MYCBP2: variants seen among roughly 807,000 people sequenced by gnomAD.
MYCBP2 encodes the protein MYC binding protein 2.
Under a neutral mutation model 525.3 loss-of-function variants are expected in MYCBP2, and 120 were observed. The ratio of observed to expected loss-of-function variants is 0.23; its 90% CI spans 0.20 to 0.27. The LOEUF is 0.27. MYCBP2 is among the 10% of genes least tolerant of loss of function. The pLI, the probability that MYCBP2 is intolerant of heterozygous loss-of-function variation, is 1.00. For synonymous variants in MYCBP2, 1,894 were observed against 1,955.8 expected (o/e 0.97, Z 0.83); for missense variants, 4,149 against 5,657.1 (o/e 0.73, Z 8.55).
intron 49 of MYCBP2, among the ~76,000 whole-genome samples, chr13:77,141,625 G>T (rs2054640833): frequency 6.6e-6 from 1 of 151,942 alleles, no homozygotes; most frequent in Non-Finnish European, 1.5e-5. Flanking sequence ...ACAAAAATTA[G>T]CCGGGCCTGG....
chr13:77,098,394 A>T lies in MYCBP2; in HGVS notation c.8760T>A (p.Ser2920=), dbSNP rs2046551563. Residue 2920 remains serine, a synonymous_variant, in exon 56 of 83, where the codon TCT becomes TCA. Coordinates refer to ENST00000544440, the MANE Select transcript of MYCBP2 (RefSeq NM_015057.5). ...GGAGGTTTTCCTGTACCACATGGGGAGAGGGAGCTCTATTTTCAGATCCAG... is the reference window on the plus strand; with the variant it reads ...GGAGGTTTTCCTGTACCACATGGGGTGAGGGAGCTCTATTTTCAGATCCAG... The part of the protein sequence containing the change: ...DSPGSENRAP[S]PHVVQENLHS... 1 of 1,613,368 alleles carries T rather than the reference A, an allele frequency of 6.2e-7. No homozygotes were observed. Among genetic ancestry groups the T allele is most frequent in the South Asian group, 1.1e-5 (1 of 91,070 alleles).
intron 14 of MYCBP2, among the ~76,000 whole-genome samples, chr13:77,251,567 G>C (rs544834302): frequency 6.6e-6 from 1 of 152,138 alleles, no homozygotes; most frequent in East Asian, 1.9e-4. Context: ...AGGCAAGGAA[G>C]GCTATTGTCA....
At chr13:77,211,354 A>AT in intron 22 of MYCBP2, 34 bp from the exon 23 acceptor site, 1 of 1,107,456 alleles carries the variant, frequency 9.0e-7, no homozygotes, top group Non-Finnish European at 1.2e-6. Context: ...TAATTTTAAT[A>AT]TATATTACCC....
chr13:77,107,212 A>G (rs559904074), intron 55 of MYCBP2, among the ~76,000 whole-genome samples: 18 of 152,286 alleles, frequency 1.2e-4, no homozygotes, highest in African/African-American at 4.1e-4. Context: ...ATAGGCTCCT[A>G]CAAGAAACAG....
At position 77,150,737 on chromosome 13, in the gene MYCBP2, C is replaced by A; in HGVS notation, c.7128G>T (p.Met2376Ile). Residue 2376 changes from methionine (M) to isoleucine (I), a missense_variant, in exon 47 of 83, where the codon ATG becomes ATT. Transcript: ENST00000544440. ...KEARYIAITM[M>I]KVYENYSFEE... Reference sequence around the variant, plus strand: ...TCTGATAAGTAAAATAAATTACCTTCATCATTGTTATGGCAATATATCGAG... The same window carrying A: ...TCTGATAAGTAAAATAAATTACCTTAATCATTGTTATGGCAATATATCGAG... 1 of 1,610,644 alleles carries A rather than the reference C, an allele frequency of 6.2e-7. No individual in the cohort carries two copies. Among genetic ancestry groups the A allele is most frequent in the Non-Finnish European group, 8.5e-7 (1 of 1,178,504 alleles).
chr13:77,056,950 A>T (rs758577516), intron 79 of MYCBP2, 36 bp downstream of exon 79: 1 of 1,477,574 alleles, frequency 6.8e-7, no homozygotes, highest in South Asian at 1.1e-5. Context: ...AGAACAAAAG[A>T]AAAAGAAAGT....
Position 77,326,240 on chromosome 13 carries a change from GACACACACACAC to G in MYCBP2, c.302+222_302+233del, listed in dbSNP as rs398023536. Among the ~76,000 whole-genome samples the G allele has an allele frequency of 0.012, 1,593 of 127,872 alleles. 11 individuals are homozygous for G. Among genetic ancestry groups the G allele is most frequent in the Middle Eastern group, 0.023 (6 of 256 alleles). The allele number at this position is 127,872 out of a possible 152,430, so 83.9% of individuals were successfully genotyped here. ...CACTATCCCCCCACATAGGCAGGCA[GACACACACACAC>G]ACACACACACACACACACACACACA... On this transcript the variant is annotated intron_variant, in intron 1 of 82. Coordinates refer to ENST00000544440, the MANE Select transcript of MYCBP2 (RefSeq NM_015057.5). This position sits in a 1 kb window ranked among gnomAD's most constrained non-coding sequence, Gnocchi z 4.2.
Position 77,081,894 on chromosome 13 carries a change from G to T in MYCBP2, c.11136C>A (p.Gly3712=), listed in dbSNP as rs138813052. 287 of 1,613,512 alleles carry T rather than the reference G, an allele frequency of 1.8e-4. 1 individual carries two copies. The African/African-American group carries it at 3.2e-3, about 18-fold the overall frequency. The change falls in exon 64 of 83, where the codon GGC becomes GGA. Residue 3712 remains glycine (G), a synonymous_variant. Transcript: ENST00000544440. The surrounding 1 kb of genome is among the most constrained non-coding windows in gnomAD (Gnocchi z 4.6). ...TGATGCTAAAACTCTCTTCACTATC[G>T]CCATCATCTGACTTTGACAAAATAT... ...INNILSKSDD[G]DSEESFSISI...
rs531186372 is a variant in MYCBP2 at position 77,244,413 on chromosome 13, C to T, written c.2382-462G>A. Among the ~76,000 whole-genome samples, 514 of 152,258 alleles carry T rather than the reference C, an allele frequency of 3.4e-3. 2 individuals are homozygous for T. The highest frequency in any genetic ancestry group is 4.6e-3 in the Non-Finnish European group (316 of 67,980). On this transcript the variant is annotated intron_variant, in intron 15 of 82. Transcript: ENST00000544440. ...TTGCCAGCTTCATGTAATATGTCTC[C>T]TTCCCATTCCCTATTTAATAAATGG...
chr13:77,070,243 T>C (rs767415841), intron 69 of MYCBP2, among the ~76,000 whole-genome samples: 1 of 152,232 alleles, frequency 6.6e-6, no homozygotes, highest in Non-Finnish European at 1.5e-5. Context: ...AGGCACATTC[T>C]GCAGGACCTA....
intron 1 of MYCBP2, among the ~76,000 whole-genome samples, chr13:77,306,426 G>A (rs74362800): frequency 0.05 from 7,590 of 152,234 alleles, 274 homozygotes; most frequent in Middle Eastern, 0.075. Flanking sequence ...GGGGAGAGAT[G>A]AAAACAGATT....
rs3753040 is a variant in MYCBP2, at chr13:77,095,629, C to A, written c.9955-27G>T. 7.9e-4 allele frequency: 1,256 copies of A among 1,599,486 alleles called. 23 individuals carry two copies. The East Asian group carries it at 0.022, about 28-fold the overall frequency. The stretch of plus-strand genomic sequence containing the variant: ...TGGCGAAGAAAAAAATCAAACTAAT[C>A]TTTTCTGACTTACATTAAAATCCTT... On this transcript the variant is annotated intron_variant, in intron 57 of 82. Transcript: ENST00000544440.
At chr13:77,125,235 AAC>A in intron 54 of MYCBP2, 99 bp downstream of exon 54, 5 of 1,426,882 alleles carry the variant, frequency 3.5e-6, no homozygotes, top group Non-Finnish European at 4.7e-6. Context: ...TTAAAAAGCA[AAC>A]ACACAAAAAA....
chr13:77,310,968 CAAAA>C (rs997535501), intron 1 of MYCBP2, among the ~76,000 whole-genome samples: 3 of 151,796 alleles, frequency 2.0e-5, no homozygotes, highest in Admixed American at 6.6e-5. Flanking sequence ...TTTAAAAAGA[CAAAA>C]AAAGTACTTC....
chr13:77,102,990 T>C (rs1402598096), intron 55 of MYCBP2, among the ~76,000 whole-genome samples: 8 of 152,020 alleles, frequency 5.3e-5, no homozygotes, highest in Non-Finnish European at 1.2e-4. Context: ...GTTTAACCTA[T>C]AGATGTAATA....
chr13:77,267,625 G>A (rs1358907120), intron 8 of MYCBP2, among the ~76,000 whole-genome samples: 1 of 152,070 alleles, frequency 6.6e-6, no homozygotes, highest in African/African-American at 2.4e-5. Context: ...GGCCAAGTTT[G>A]AAAACAAATA....
intron 48 of MYCBP2, 60 bp downstream of exon 48, chr13:77,146,102 T>C: frequency 9.0e-7 from 1 of 1,111,714 alleles, no homozygotes; most frequent in South Asian, 1.6e-5. Flanking sequence ...GCAGGATGAT[T>C]TTAGTTGCAA....
At chr13:77,083,298 AAAC>A in intron 62 of MYCBP2, 106 bp from the exon 63 acceptor site, 1 of 941,162 alleles carries the variant, frequency 1.1e-6, no homozygotes, top group Admixed American at 2.7e-5. Context: ...ACAGAAATAC[AAAC>A]AACAAAACCA....
In MYCBP2 at chr13:77,098,409, T is replaced by C; in HGVS notation, c.8745A>G (p.Glu2915=). 1 of 1,613,686 alleles carries C rather than the reference T, an allele frequency of 6.2e-7. No individual in the cohort carries two copies. The highest frequency in any genetic ancestry group is 1.3e-5 in the African/African-American group (1 of 75,010). The change falls in exon 56 of 83, where the codon GAA becomes GAG. Residue 2915 remains glutamate (E), a synonymous_variant. Transcript: ENST00000544440. ...CCACATGGGGAGAGGGAGCTCTATT[T>C]TCAGATCCAGGGGAATCTGTAGAAT... is the stretch of plus-strand genomic sequence containing the variant. ...PKDSTDSPGS[E]NRAPSPHVVQ... is the part of the protein sequence containing the mutation.
Sources: gnomAD v4.1 joint callset for allele counts (sites outside exome capture counted in the v4.1 genomes callset) on GRCh38, gnomAD v4.1.1 for gene constraint, Gnocchi (gnomAD v3.1) non-coding constraint, MANE v1.5 for transcripts, NCBI Gene and HGNC (gene_info 2026-07-23, HGNC 2026-07-21) for gene names.